Variants in NDP observed in about 807,000 individuals in gnomAD.
NDP encodes norrin.
In NDP, 2 loss-of-function variants were observed where a neutral mutation model predicts 8.4. The observed-to-expected ratio is 0.24, with a 90% confidence interval of 0.10 to 0.75. The LOEUF is 0.75. Among genes scored for constraint, NDP ranks in the 30% least tolerant of loss-of-function variants. NDP has a pLI of 0.73. For missense variants in NDP, 81 were observed against 110.1 expected (o/e 0.74, Z 1.18); for synonymous variants, 55 against 45.6 (o/e 1.21, Z -0.83).
chrX:43,962,684 C>T (rs1237879985), intron 1 of NDP, among the ~76,000 whole-genome samples: 1 of 112,007 alleles, frequency 8.9e-6, no homozygotes, highest in Admixed American at 9.4e-5. Flanking sequence ...TTGCTGAACT[C>T]AGTAGCCCTG....
At chrX:43,965,528 T>C (rs954724817) in intron 1 of NDP, among the ~76,000 whole-genome samples, 1 of 111,703 alleles carries the variant, frequency 9.0e-6, no homozygotes, top group Non-Finnish European at 1.9e-5. Flanking sequence ...ATTTGTGGGG[T>C]TTCTGTCCAG....
At chrX:43,955,737 C>A (rs2035789254) in intron 2 of NDP, among the ~76,000 whole-genome samples, 1 of 112,140 alleles carries the variant, frequency 8.9e-6, no homozygotes, top group South Asian at 3.7e-4. Context: ...GCCACTGTGG[C>A]CAGTCTTTTC....
At chrX:43,971,007 C>T (rs4440760) in intron 1 of NDP, among the ~76,000 whole-genome samples, 1 of 111,999 alleles carries the variant, frequency 8.9e-6, no homozygotes, top group Admixed American at 9.5e-5. Context: ...GGAAAGAAAA[C>T]CCACTGATGA....
chrX:43,964,732 G>A (rs1258750591), intron 1 of NDP, among the ~76,000 whole-genome samples: 1 of 111,779 alleles, frequency 8.9e-6, no homozygotes, highest in African/African-American at 3.3e-5. Context: ...CCCATCATTG[G>A]CTGTGTGATC....
At chrX:43,967,035 G>A (rs749972045) in intron 1 of NDP, among the ~76,000 whole-genome samples, 6 of 111,195 alleles carry the variant, frequency 5.4e-5, no homozygotes, top group African/African-American at 2.0e-4. Context: ...ATGTCAAAGG[G>A]GCAAGGTTCT....
chrX:43,958,494 G>T lies in NDP; in HGVS notation c.152C>A (p.Pro51Gln). ...TACCTTTGAGCTACACTTGTACAAT[G>T]GGTGACTGATAGAATCCACATAGTG... ...RHHYVDSISH[P>Q]LYKCSSKMVL... Residue 51 changes from proline to glutamine, a missense_variant, in exon 2 of 3, where the codon CCA (proline) becomes CAA (glutamine). Coordinates refer to ENST00000642620, the MANE Select transcript of NDP (RefSeq NM_000266.4). 1 of 1,211,854 alleles carries T rather than the reference G, an allele frequency of 8.3e-7. No homozygotes were observed. The highest frequency in any genetic ancestry group is 1.7e-5 in the African/African-American group (1 of 57,906).
chrX:43,957,870 C>A, intron 2 of NDP, among the ~76,000 whole-genome samples: 1 of 105,651 alleles, frequency 9.5e-6, no homozygotes, highest in Non-Finnish European at 1.9e-5. Flanking sequence ...GCCTTTTAAG[C>A]ATGATATTCC....
chrX:43,969,790 G>A (rs956459011), intron 1 of NDP, among the ~76,000 whole-genome samples: 28 of 111,985 alleles, frequency 2.5e-4, no homozygotes, highest in Non-Finnish European at 4.5e-4. Context: ...GCAGAGCAAA[G>A]AGCCAGCTGA....
chrX:43,964,079 TG>T (rs754903584), intron 1 of NDP, among the ~76,000 whole-genome samples: 84 of 110,537 alleles, frequency 7.6e-4, no homozygotes, highest in African/African-American at 2.5e-3. Flanking sequence ...GCAGGGGTGG[TG>T]GGGGGGTGAG....
At chrX:43,963,438 A>G (rs2035838306) in intron 1 of NDP, among the ~76,000 whole-genome samples, 1 of 112,108 alleles carries the variant, frequency 8.9e-6, no homozygotes. Flanking sequence ...AGCAAATAAA[A>G]TATAATGACC....
intron 1 of NDP, chrX:43,969,429 A>C (rs1214021240): frequency 8.9e-6 from 1 of 112,082 alleles, no homozygotes; most frequent in African/African-American, 3.2e-5. Context: ...CTCCCCCGAA[A>C]CAGAGAATAA....
In NDP at chrX:43,958,733, C is replaced by G. The variant is rs1332881681; in HGVS notation, c.-88G>C. 8 of 822,059 alleles carry G rather than the reference C, an allele frequency of 9.7e-6. No individual in the cohort carries two copies. In the African/African-American group the frequency reaches 1.4e-4, roughly 15 times the overall value. 67.7% of individuals were successfully genotyped at this position (822,059 alleles called of 1,213,427 possible). On this transcript the variant is annotated 5_prime_UTR_variant, in exon 2 of 3. Transcript: ENST00000642620. ...ATGGCTTCACCTCCTAGGATCCAGT[C>G]CCGTTCAAGGAAAGGGCAGGATCGG...
Position 43,949,904 on chromosome X carries a change from C to T in NDP, c.297G>A (p.Gln99=), listed in dbSNP as rs1162627410. ...FRSSCHCCRP[Q]TSKLKALRLR... ...GCCGCAGTGCCTTCAGCTTGGAAGTCTGGGGCCGGCAGCAGTGACAGGAGG... is the reference window on the plus strand; with the variant it reads ...GCCGCAGTGCCTTCAGCTTGGAAGTTTGGGGCCGGCAGCAGTGACAGGAGG... Residue 99 remains glutamine, a synonymous_variant, in exon 3 of 3, where the codon CAG becomes CAA. Coordinates refer to ENST00000642620, the MANE Select transcript of NDP (RefSeq NM_000266.4). The T allele has an allele frequency of 8.3e-7, 1 of 1,200,109 alleles. No homozygotes were observed. The highest frequency in any genetic ancestry group is 1.1e-6 in the Non-Finnish European group (1 of 890,472).
chrX:43,963,986 G>A (rs1402933574), intron 1 of NDP, among the ~76,000 whole-genome samples: 2 of 112,276 alleles, frequency 1.8e-5, no homozygotes, highest in Admixed American at 1.9e-4. Context: ...TCCAAGGATG[G>A]GCAGGCAAAA....
At chrX:43,965,157 G>T (rs1176487202) in intron 1 of NDP, among the ~76,000 whole-genome samples, 2 of 112,133 alleles carry the variant, frequency 1.8e-5, no homozygotes, top group Admixed American at 9.5e-5. Context: ...GCTCATGCCT[G>T]TAAACCCAGC....
intron 1 of NDP, among the ~76,000 whole-genome samples, chrX:43,961,754 A>G (rs866994352): frequency 4.5e-5 from 5 of 111,437 alleles, no homozygotes; most frequent in Non-Finnish European, 7.5e-5. Context: ...TGTTTGTGCC[A>G]GTTTGAGTAT....
In NDP at chrX:43,958,729, C is replaced by T. The variant is rs1213176369; in HGVS notation, c.-84G>A. 1.2e-6 allele frequency: 1 copy of T among 838,509 alleles called. No homozygotes were observed. Among genetic ancestry groups the T allele is most frequent in the Admixed American group, 2.4e-5 (1 of 41,486 alleles). 69.1% of individuals were successfully genotyped at this position (838,509 alleles called of 1,213,427 possible). ...GGAAATGGCTTCACCTCCTAGGATCCAGTCCCGTTCAAGGAAAGGGCAGGA... is the reference window on the plus strand; with the variant it reads ...GGAAATGGCTTCACCTCCTAGGATCTAGTCCCGTTCAAGGAAAGGGCAGGA... On this transcript the variant is annotated 5_prime_UTR_variant, in exon 2 of 3. Transcript: ENST00000642620.
intron 1 of NDP, among the ~76,000 whole-genome samples, chrX:43,962,062 G>T (rs1239690797): frequency 8.9e-6 from 1 of 111,934 alleles, no homozygotes; most frequent in African/African-American, 3.2e-5. Context: ...ATTAAAGAAT[G>T]AAAGATTGAC....
chrX:43,965,844 A>G (rs1437899186), intron 1 of NDP, among the ~76,000 whole-genome samples: 1 of 111,667 alleles, frequency 9.0e-6, no homozygotes, highest in Non-Finnish European at 1.9e-5. Flanking sequence ...AGTATCTACT[A>G]CAGAGCTTCT....
Sources: gnomAD v4.1 joint callset for allele counts (sites outside exome capture counted in the v4.1 genomes callset) on GRCh38, gnomAD v4.1.1 for gene constraint, MANE v1.5 for transcripts, NCBI Gene and HGNC (gene_info 2026-07-23, HGNC 2026-07-21) for gene names.